RBM11: variants seen among roughly 807,000 people sequenced by gnomAD.
RBM11 encodes the protein RNA binding motif protein 11.
A neutral mutation model predicts 21.4 loss-of-function variants in RBM11; 18 were observed. The observed-to-expected ratio is 0.84, with a 90% CI of 0.58 to 1.25. The LOEUF is 1.25. Among genes scored for constraint, RBM11 ranks in the 50% most tolerant of loss-of-function variants. RBM11 has a pLI of 0.00. For missense variants in RBM11, 294 were observed against 331.9 expected (o/e 0.89, Z 0.89); for synonymous variants, 120 against 116.3 (o/e 1.03, Z -0.20).
At chr21:14,220,569 C>T (rs1290563073) in intron 2 of RBM11, among the ~76,000 whole-genome samples, 1 of 152,110 alleles carries the variant, frequency 6.6e-6, no homozygotes, top group African/African-American at 2.4e-5. Flanking sequence ...TTTTGTAATA[C>T]ATGGTTGCAT....
At chr21:14,217,210 A>G (rs1210075983) in intron 1 of RBM11, among the ~76,000 whole-genome samples, 4 of 152,198 alleles carry the variant, frequency 2.6e-5, no homozygotes, top group African/African-American at 9.6e-5. Context: ...AGAGAGTAGT[A>G]GTATCTGCAG....
At chr21:14,223,148 T>C (rs1328353292) in intron 3 of RBM11, among the ~76,000 whole-genome samples, 3 of 152,180 alleles carry the variant, frequency 2.0e-5, no homozygotes, top group Admixed American at 2.0e-4. Context: ...AATTCTAGAG[T>C]AGACAGCCTG....
At chr21:14,225,543 C>T (rs757044797) in intron 4 of RBM11, among the ~76,000 whole-genome samples, 3 of 152,118 alleles carry the variant, frequency 2.0e-5, no homozygotes, top group Non-Finnish European at 4.4e-5. Context: ...TCTTCTGATT[C>T]ACAGACTATT....
At chr21:14,222,462 C>T (rs1336287857) in intron 3 of RBM11, among the ~76,000 whole-genome samples, 1 of 152,024 alleles carries the variant, frequency 6.6e-6, no homozygotes, top group African/African-American at 2.4e-5. Context: ...CCCTCCTATC[C>T]CTTTTAGTTA....
At chr21:14,219,503 T>TAA (rs1978473441) in intron 1 of RBM11, 60 bp from the exon 2 acceptor site, 2 of 1,277,270 alleles carry the variant, frequency 1.6e-6, no homozygotes, top group East Asian at 5.2e-5. Context: ...TGAATTTACT[T>TAA]ATTTGAGTAT....
intron 3 of RBM11, among the ~76,000 whole-genome samples, chr21:14,221,636 A>G (rs1978670331): frequency 6.6e-6 from 1 of 152,174 alleles, no homozygotes; most frequent in Non-Finnish European, 1.5e-5. Context: ...GTTAATTTTC[A>G]AACTCATCTA....
Position 14,227,260 on chromosome 21 carries a change from G to A in RBM11, c.813G>A (p.Lys271=), listed in dbSNP as rs1027917939. Residue 271 remains lysine (K), a synonymous_variant, in exon 5 of 5, where the codon AAG becomes AAA. Transcript: ENST00000400577. ...DNNRGNECSQ[K]FRKSKKKKRY is the part of the protein sequence containing the mutation. ...ACAGAGGCAACGAATGTAGCCAAAA[G>A]TTCCGAAAGTCTAAGAAGAAGAAAA... 1 of 1,612,780 alleles carries A rather than the reference G, an allele frequency of 6.2e-7. No individual in the cohort carries two copies. Among genetic ancestry groups the A allele is most frequent in the African/African-American group, 1.3e-5 (1 of 74,758 alleles).
Position 14,216,166 on chromosome 21 carries a change from T to A in RBM11, c.-21T>A, listed in dbSNP as rs1302209143. On this transcript the variant is annotated 5_prime_UTR_variant, in exon 1 of 5. Transcript: ENST00000400577. ...GGGCGGGGTCTCAGCTCCTACTTCA[T>A]TCTACGGCCGAGACCGGAGGATGTT... 1.9e-6 allele frequency: 3 copies of A among 1,604,750 alleles called. No homozygotes were observed. The highest frequency in any genetic ancestry group is 2.6e-6 in the Non-Finnish European group (3 of 1,173,658).
chr21:14,226,596 G>T (rs1469193921), intron 4 of RBM11, among the ~76,000 whole-genome samples: 1 of 149,152 alleles, frequency 6.7e-6, no homozygotes, highest in Non-Finnish European at 1.5e-5. Flanking sequence ...CTCCAGCATG[G>T]GCAACAAAGT....
At position 14,227,587 on chromosome 21, in the gene RBM11, A is replaced by G. The variant is rs905452734; in HGVS notation, c.*294A>G. On this transcript the variant is annotated 3_prime_UTR_variant, in exon 5 of 5. Transcript: ENST00000400577. ...TGAAATTTCACCAAACTATTAATCA[A>G]AAGTCACTTATTGAACACATTGATA... 7 of 344,386 alleles carry G rather than the reference A, an allele frequency of 2.0e-5. No individual in the cohort carries two copies. The highest frequency in any genetic ancestry group is 4.6e-5 in the Admixed American group (1 of 21,596). 21.3% of individuals were successfully genotyped at this position (344,386 alleles called of 1,614,324 possible).
At chr21:14,221,021 G>C (rs946259703) in intron 2 of RBM11, 76 bp from the exon 3 acceptor site, 16 of 1,409,226 alleles carry the variant, frequency 1.1e-5, no homozygotes, top group Non-Finnish European at 1.5e-5. Context: ...AATATTTTGA[G>C]TCATTTTATG....
intron 2 of RBM11, among the ~76,000 whole-genome samples, chr21:14,220,497 A>G (rs1978579029): frequency 6.6e-6 from 1 of 152,216 alleles, no homozygotes; most frequent in Non-Finnish European, 1.5e-5. Flanking sequence ...ACTAATAACA[A>G]AAACAATGCT....
At chr21:14,224,266 G>C in intron 3 of RBM11, 172 bp from the exon 4 acceptor site, 1 of 976,538 alleles carries the variant, frequency 1.0e-6, no homozygotes, top group African/African-American at 1.7e-5. Flanking sequence ...GACTTTAACA[G>C]CTGAATTTTG....
At chr21:14,226,749 G>C (rs1490756930) in intron 4 of RBM11, 131 bp from the exon 5 acceptor site, 18 of 1,241,750 alleles carry the variant, frequency 1.4e-5, no homozygotes, top group Non-Finnish European at 2.0e-5. Flanking sequence ...TACTATGAGA[G>C]GTCACTGTCT....
chr21:14,222,829 G>A (rs1442615200), intron 3 of RBM11, among the ~76,000 whole-genome samples: 1 of 152,188 alleles, frequency 6.6e-6, no homozygotes, highest in Non-Finnish European at 1.5e-5. Context: ...AGGTTACTGT[G>A]AGAATTGAAT....
Position 14,222,414 on chromosome 21 carries a change from C to A in RBM11, c.332+1245C>A, listed in dbSNP as rs150532982. Among the ~76,000 whole-genome samples the A allele has an allele frequency of 8.9e-4, 136 of 152,112 alleles. No individual in the cohort carries two copies. The East Asian group carries it at 0.023, about 26-fold the overall frequency. On this transcript the variant is annotated intron_variant, in intron 3 of 4. Transcript: ENST00000400577. ...CTGCTTTTTTTCTTGTCTTCTTTAG[C>A]AGAGCTGAATATTCTCAAGTAAACT...
chr21:14,221,045 A>T (rs1291667804), intron 2 of RBM11, 52 bp from the exon 3 acceptor site: 2 of 1,500,340 alleles, frequency 1.3e-6, no homozygotes, highest in Non-Finnish European at 1.8e-6. Context: ...TAATATTACA[A>T]CTCAAAAAAA....
In RBM11 at chr21:14,218,818, A is replaced by C. The variant is rs1019037283; in HGVS notation, c.97-745A>C. 9.8e-5 allele frequency among the ~76,000 whole-genome samples: 15 copies of C among 152,312 alleles called. No individual in the cohort carries two copies. The South Asian group carries it at 1.5e-3, about 15-fold the overall frequency. On this transcript the variant is annotated intron_variant, in intron 1 of 4. Transcript: ENST00000400577. ...TAATTTTTCGTTAGTTGTAATTAAC[A>C]ATCTTCTATGATATTTGGCTCTGTG... is the stretch of plus-strand genomic sequence containing the variant.
At chr21:14,224,366 T>C in intron 3 of RBM11, 72 bp from the exon 4 acceptor site, 2 of 1,495,664 alleles carry the variant, frequency 1.3e-6, no homozygotes, top group Middle Eastern at 2.1e-4. Context: ...GATAGTGGTT[T>C]TTCTTAAGAG....
Sources: gnomAD v4.1 joint callset for allele counts (sites outside exome capture counted in the v4.1 genomes callset) on GRCh38, gnomAD v4.1.1 for gene constraint, MANE v1.5 for transcripts, NCBI Gene and HGNC (gene_info 2026-07-23, HGNC 2026-07-21) for gene names.